Variants in XKR6 observed in about 807,000 individuals in gnomAD.
The protein encoded by XKR6 is XK-related protein 6.
A neutral mutation model predicts 56.7 loss-of-function variants in XKR6; 22 were observed. The ratio of observed to expected loss-of-function variants is 0.39; its 90% CI spans 0.28 to 0.55. XKR6 has a LOEUF of 0.55. Ranked by LOEUF, XKR6 falls within the 20% of genes least tolerant of loss-of-function variation. The pLI, the probability that XKR6 is intolerant of heterozygous loss-of-function variation, is 0.66. For missense variants in XKR6, 852 were observed against 889.0 expected (o/e 0.96, Z 0.53); for synonymous variants, 524 against 387.8 (o/e 1.35, Z -4.13).
At chr8:11,050,293 T>A (rs935688892) in intron 1 of XKR6, among the ~76,000 whole-genome samples, 1 of 152,084 alleles carries the variant, frequency 6.6e-6, no homozygotes. Flanking sequence ...TCGCGGCTGA[T>A]CTCAGCAATC....
chr8:11,184,330 T>C (rs1352903071), intron 1 of XKR6, among the ~76,000 whole-genome samples: 1 of 151,846 alleles, frequency 6.6e-6, no homozygotes, highest in Non-Finnish European at 1.5e-5. Flanking sequence ...TAAAGGAGCT[T>C]TTAAATTATT....
At chr8:10,928,822 C>T (rs1034359009) in intron 1 of XKR6, among the ~76,000 whole-genome samples, 1 of 152,232 alleles carries the variant, frequency 6.6e-6, no homozygotes, top group Non-Finnish European at 1.5e-5. Context: ...CTTACCGCAC[C>T]GTTCTCCAGG....
chr8:10,916,444 C>A (rs1383676671), intron 2 of XKR6, among the ~76,000 whole-genome samples: 1 of 152,138 alleles, frequency 6.6e-6, no homozygotes, highest in Non-Finnish European at 1.5e-5. Context: ...ATGAACAGGA[C>A]TGGAAAGAGA....
At chr8:11,010,772 C>A (rs1404846132) in intron 1 of XKR6, among the ~76,000 whole-genome samples, 1 of 152,072 alleles carries the variant, frequency 6.6e-6, no homozygotes, top group Non-Finnish European at 1.5e-5. Context: ...TGGCCCCTCC[C>A]CACCTTTTTT....
chr8:11,105,321 G>A (rs1220610917), intron 1 of XKR6: 1 of 152,126 alleles, frequency 6.6e-6, no homozygotes. Flanking sequence ...AAGGTTTAAG[G>A]AACAATTTAA....
intron 1 of XKR6, among the ~76,000 whole-genome samples, chr8:10,930,319 G>C (rs985060185): frequency 1.3e-5 from 2 of 152,020 alleles, no homozygotes; most frequent in Non-Finnish European, 2.9e-5. Flanking sequence ...TGTTTTGTGG[G>C]GTCTGAGGCT....
chr8:11,074,799 A>G (rs1273331801), intron 1 of XKR6, among the ~76,000 whole-genome samples: 1 of 152,220 alleles, frequency 6.6e-6, no homozygotes, highest in African/African-American at 2.4e-5. Flanking sequence ...TAGGATCACA[A>G]ACTGTCGCTG....
chr8:10,973,920 G>C (rs867865849), intron 1 of XKR6, among the ~76,000 whole-genome samples: 25 of 152,172 alleles, frequency 1.6e-4, no homozygotes, highest in Admixed American at 4.6e-4. Flanking sequence ...CTTCTTGTTA[G>C]CACAGTGCAT....
chr8:11,114,143 C>A, intron 1 of XKR6: 1 of 408,912 alleles, frequency 2.4e-6, no homozygotes, highest in Non-Finnish European at 4.7e-6. Flanking sequence ...AATGAAATCT[C>A]TAACATGACA....
intron 1 of XKR6, among the ~76,000 whole-genome samples, chr8:11,017,582 C>T (rs1308104967): frequency 6.6e-6 from 1 of 152,252 alleles, no homozygotes; most frequent in Non-Finnish European, 1.5e-5. Context: ...CACTCAGAGA[C>T]CCTGGGCCTG....
At chr8:11,062,816 C>T (rs6601555) in intron 1 of XKR6, 265,157 of 456,102 alleles carry the variant, frequency 0.58, 81,864 homozygotes, top group African/African-American at 0.87. Context: ...CCAGCCTCCT[C>T]GGCAATCAGC....
At chr8:11,193,685 G>T (rs989814418) in intron 1 of XKR6, among the ~76,000 whole-genome samples, 1 of 148,192 alleles carries the variant, frequency 6.7e-6, no homozygotes, top group African/African-American at 2.5e-5. Flanking sequence ...ACTTTTCAAA[G>T]TTAAAGAACA....
At chr8:11,122,265 C>T (rs899855105) in intron 1 of XKR6, among the ~76,000 whole-genome samples, 2 of 152,230 alleles carry the variant, frequency 1.3e-5, no homozygotes, top group Non-Finnish European at 2.9e-5. Flanking sequence ...GGTAAAACGT[C>T]ACTGAAGATC....
At chr8:11,097,575 G>C (rs535992459) in intron 1 of XKR6, among the ~76,000 whole-genome samples, 2 of 151,662 alleles carry the variant, frequency 1.3e-5, no homozygotes, top group Non-Finnish European at 2.9e-5. Flanking sequence ...TGGGAGGCCG[G>C]GGTGGGCGTA....
At chr8:10,973,643 C>T (rs947022368) in intron 1 of XKR6, among the ~76,000 whole-genome samples, 7 of 151,942 alleles carry the variant, frequency 4.6e-5, no homozygotes, top group African/African-American at 1.2e-4. Context: ...GCAGTGGAAC[C>T]GTCTCAGCTC....
chr8:10,905,001 A>G (rs1428730241), intron 2 of XKR6, among the ~76,000 whole-genome samples: 1 of 152,164 alleles, frequency 6.6e-6, no homozygotes, highest in African/African-American at 2.4e-5. Context: ...CAGAAGTGGA[A>G]AGAGTCAGCT....
chr8:11,145,524 T>C (rs563645452), intron 1 of XKR6, among the ~76,000 whole-genome samples: 333 of 152,306 alleles, frequency 2.2e-3, no homozygotes, highest in African/African-American at 7.0e-3. Flanking sequence ...CTTAGCAAGA[T>C]TGCAGGATAT....
In XKR6 at chr8:11,044,746, G is replaced by A. The variant is rs576011584; in HGVS notation, c.765-119916C>T. 7.9e-5 allele frequency among the ~76,000 whole-genome samples: 12 copies of A among 151,762 alleles called. No individual in the cohort carries two copies. In the South Asian group the frequency reaches 1.5e-3, roughly 18 times the overall value. On this transcript the variant is annotated intron_variant, in intron 1 of 2. Transcript: ENST00000416569. The stretch of plus-strand genomic sequence containing the variant: ...TGATTCTCCTGCCTCAGGCTCCCAA[G>A]CAGCTGGGACTACAGGCGAATGCCA...
At chr8:10,921,374 C>T (rs1171255804) in intron 2 of XKR6, among the ~76,000 whole-genome samples, 2 of 152,174 alleles carry the variant, frequency 1.3e-5, no homozygotes, top group African/African-American at 4.8e-5. Flanking sequence ...CAAACCCATC[C>T]CCAGCAGGTC....
Sources: gnomAD v4.1 joint callset for allele counts (sites outside exome capture counted in the v4.1 genomes callset) on GRCh38, gnomAD v4.1.1 for gene constraint, MANE v1.5 for transcripts, NCBI Gene and HGNC (gene_info 2026-07-23, HGNC 2026-07-21) for gene names.